Variants in CADM2 observed in about 807,000 individuals in gnomAD.
The protein encoded by CADM2 is cell adhesion molecule 2, also known as immunoglobulin superfamily member 4D.
CADM2 carries 12 observed loss-of-function variants against 49.8 expected under a neutral mutation model. That is an observed-to-expected ratio of 0.24 (90% CI 0.15 to 0.39). CADM2 has a LOEUF of 0.39. Among genes scored for constraint, CADM2 ranks in the 10% least tolerant of loss-of-function variants. The pLI, the probability that CADM2 is intolerant of heterozygous loss-of-function variation, is 1.00. For synonymous variants in CADM2, 214 were observed against 175.4 expected (o/e 1.22, Z -1.74); for missense variants, 378 against 492.3 (o/e 0.77, Z 2.20).
At chr3:85,245,449 TTGCAG>T (rs1375588371) in intron 1 of CADM2, among the ~76,000 whole-genome samples, 1 of 151,668 alleles carries the variant, frequency 6.6e-6, no homozygotes, top group Admixed American at 6.6e-5. Context: ...GAGGCGAAGC[TTGCAG>T]TGAGCCGAGA....
At chr3:85,645,285 G>A (rs1228748033) in intron 1 of CADM2, among the ~76,000 whole-genome samples, 1 of 151,938 alleles carries the variant, frequency 6.6e-6, no homozygotes, top group Non-Finnish European at 1.5e-5. Flanking sequence ...TCAGAAATAT[G>A]ACAAAATTGT....
intron 6 of CADM2, among the ~76,000 whole-genome samples, chr3:85,923,479 T>C (rs1269579664): frequency 1.3e-5 from 2 of 151,242 alleles, no homozygotes; most frequent in Non-Finnish European, 2.9e-5. Flanking sequence ...AATTTCCTTC[T>C]TTTGCCATTA....
intron 8 of CADM2, among the ~76,000 whole-genome samples, chr3:86,034,550 AGCCACCAAATTTATGTTAT>A (rs1165201416): frequency 1.3e-5 from 2 of 152,050 alleles, no homozygotes; most frequent in Admixed American, 1.3e-4. Context: ...GCTATTTATA[AGCCACCAAATTTATGTTAT>A]GCTGTTGTAA....
intron 1 of CADM2, among the ~76,000 whole-genome samples, chr3:85,490,391 CAA>C (rs148385324): frequency 1.4e-5 from 2 of 144,390 alleles, no homozygotes. Flanking sequence ...TTTCATGAGT[CAA>C]AAAAAAAAAG....
intron 1 of CADM2, among the ~76,000 whole-genome samples, chr3:85,097,639 C>T (rs2037850633): frequency 6.6e-6 from 1 of 152,170 alleles, no homozygotes; most frequent in African/African-American, 2.4e-5. Flanking sequence ...GTTCCTATTT[C>T]TAAGAGTTTT....
intron 1 of CADM2, among the ~76,000 whole-genome samples, chr3:85,073,183 C>CTA (rs962366180): frequency 5.1e-4 from 78 of 152,178 alleles, no homozygotes; most frequent in African/African-American, 1.9e-3. Flanking sequence ...GCATAAAGAC[C>CTA]TGAAGGTGCG....
At position 85,996,320 on chromosome 3, in the gene CADM2, G is replaced by A. The variant is rs565536972; in HGVS notation, c.970+34673G>A. Among the ~76,000 whole-genome samples the A allele has an allele frequency of 3.4e-5, 4 of 117,218 alleles. No individual in the cohort carries two copies. The East Asian group carries it at 8.3e-4, about 24-fold the overall frequency. 76.9% of individuals were successfully genotyped at this position (117,218 alleles called of 152,430 possible). On this transcript the variant is annotated intron_variant, in intron 8 of 9. Transcript: ENST00000383699. ...TTTTTTTTTTTTTTTTTTGGTCTGA[G>A]ACGGAGTCTCACTCTGTCACCAGGC...
chr3:85,333,780 T>G (rs1235738844), intron 1 of CADM2, among the ~76,000 whole-genome samples: 1 of 151,694 alleles, frequency 6.6e-6, no homozygotes, highest in African/African-American at 2.4e-5. Context: ...GGCTTATCAT[T>G]AATGCATAAA....
chr3:85,150,387 C>G (rs1575985217), intron 1 of CADM2, among the ~76,000 whole-genome samples: 1 of 152,090 alleles, frequency 6.6e-6, no homozygotes, highest in Non-Finnish European at 1.5e-5. Context: ...AACAACTGTA[C>G]TTTTAAAATA....
intron 8 of CADM2, among the ~76,000 whole-genome samples, chr3:86,029,072 A>G (rs770393474): frequency 2.0e-5 from 3 of 152,184 alleles, no homozygotes; most frequent in Non-Finnish European, 4.4e-5. Context: ...GTTTGATTGG[A>G]AAAGAAAAGC....
At chr3:86,029,862 G>C (rs1734351857) in intron 8 of CADM2, among the ~76,000 whole-genome samples, 1 of 151,980 alleles carries the variant, frequency 6.6e-6, no homozygotes, top group African/African-American at 2.4e-5. Context: ...GAGTCATCAA[G>C]ATGGAATCCA....
chr3:85,441,725 C>A (rs1448188970), intron 1 of CADM2, among the ~76,000 whole-genome samples: 1 of 151,552 alleles, frequency 6.6e-6, no homozygotes, highest in East Asian at 2.0e-4. Context: ...ACAGTGGTGG[C>A]AAAAAGATAA....
chr3:85,660,935 C>T (rs1023163225), intron 1 of CADM2, among the ~76,000 whole-genome samples: 1 of 150,306 alleles, frequency 6.7e-6, no homozygotes, highest in East Asian at 2.0e-4. Context: ...AACAGAAGCA[C>T]GAGGTACAAC....
At chr3:85,092,439 A>G (rs553070461) in intron 1 of CADM2, among the ~76,000 whole-genome samples, 5 of 152,312 alleles carry the variant, frequency 3.3e-5, no homozygotes, top group African/African-American at 1.2e-4. Context: ...TCTCTTTTAG[A>G]GAAAGATATA....
At chr3:85,005,790 T>C (rs1365219452) in intron 1 of CADM2, among the ~76,000 whole-genome samples, 3 of 152,044 alleles carry the variant, frequency 2.0e-5, no homozygotes, top group African/African-American at 7.3e-5. Context: ...TATTTTTCTG[T>C]CTTTCTTAAT....
At position 86,031,069 on chromosome 3, in the gene CADM2, T is replaced by G. The variant is rs192920924; in HGVS notation, c.971-34536T>G. On this transcript the variant is annotated intron_variant, in intron 8 of 9. Transcript: ENST00000383699. Reference sequence around the variant, plus strand: ...GTGGGCTTCTCTTGCATTATTGGTATCTGTATCATTCTAAAGATGAATAAA... The same window carrying G: ...GTGGGCTTCTCTTGCATTATTGGTAGCTGTATCATTCTAAAGATGAATAAA... Among the ~76,000 whole-genome samples the G allele has an allele frequency of 3.1e-3, 476 of 151,942 alleles. 3 individuals carry two copies. Among genetic ancestry groups the G allele is most frequent in the African/African-American group, 0.011 (467 of 41,522 alleles).
At chr3:85,516,061 G>A (rs139242415) in intron 1 of CADM2, among the ~76,000 whole-genome samples, 1 of 152,234 alleles carries the variant, frequency 6.6e-6, no homozygotes, top group East Asian at 1.9e-4. Flanking sequence ...GGCAGTGAAT[G>A]TGCACTTAGA....
In CADM2 at chr3:85,605,373, A is replaced by G. The variant is rs189479258; in HGVS notation, c.62-121149A>G. Among the ~76,000 whole-genome samples, 652 of 152,182 alleles carry G rather than the reference A, an allele frequency of 4.3e-3. 3 individuals are homozygous for G. The highest frequency in any genetic ancestry group is 0.027 in the Middle Eastern group (8 of 294). On this transcript the variant is annotated intron_variant, in intron 1 of 9. Coordinates refer to ENST00000383699, the MANE Select transcript of CADM2 (RefSeq NM_001167675.2). ...AGGATTAAGAGAGAAGAATTTTTAGAATACTAGTAAAAGTGCCATTAAGAA... is the reference window on the plus strand; with the variant it reads ...AGGATTAAGAGAGAAGAATTTTTAGGATACTAGTAAAAGTGCCATTAAGAA...
intron 2 of CADM2, among the ~76,000 whole-genome samples, chr3:85,770,728 T>C (rs1301819271): frequency 6.6e-6 from 1 of 152,174 alleles, no homozygotes; most frequent in Non-Finnish European, 1.5e-5. Flanking sequence ...CATCAAGCCA[T>C]GGCACTGTAA....
Sources: gnomAD v4.1 joint callset for allele counts (sites outside exome capture counted in the v4.1 genomes callset) on GRCh38, gnomAD v4.1.1 for gene constraint, MANE v1.5 for transcripts, NCBI Gene and HGNC (gene_info 2026-07-23, HGNC 2026-07-21) for gene names.